RDH14: variants seen among roughly 807,000 people sequenced by gnomAD.
RDH14 encodes the protein alcohol dehydrogenase PAN2.
A neutral mutation model predicts 19.3 loss-of-function variants in RDH14; 17 were observed. The observed-to-expected ratio is 0.88, with a 90% confidence interval of 0.60 to 1.32. The LOEUF is 1.32. RDH14 is among the 40% of genes most tolerant of loss of function. The pLI, the probability that RDH14 is intolerant of heterozygous loss-of-function variation, is 0.00. For synonymous variants in RDH14, 215 were observed against 188.9 expected (o/e 1.14, Z -1.13); for missense variants, 534 against 449.2 (o/e 1.19, Z -1.71).
intron 1 of RDH14, among the ~76,000 whole-genome samples, chr2:18,559,734 G>A (rs540027374): frequency 6.6e-6 from 1 of 152,198 alleles, no homozygotes; most frequent in Admixed American, 6.5e-5. Context: ...CCGGGGGAAG[G>A]AGAACTTTTT....
In RDH14 at chr2:18,560,300, G is replaced by C; in HGVS notation, c.273C>G (p.Leu91=). ...EEAAGQLRRE[L]RQAAECGPEP... is the part of the protein sequence containing the mutation. The stretch of plus-strand genomic sequence containing the variant: ...CTGGGCCGCACTCCGCGGCCTGGCG[G>C]AGCTCGCGGCGGAGCTGACCCGCCG... The change falls in exon 1 of 2, where the codon CTC becomes CTG. Residue 91 remains leucine (L), a synonymous_variant. Coordinates refer to ENST00000381249, the MANE Select transcript of RDH14 (RefSeq NM_020905.4). 2 of 1,479,772 alleles carry C rather than the reference G, an allele frequency of 1.4e-6. No homozygotes were observed. Among genetic ancestry groups the C allele is most frequent in the Non-Finnish European group, 8.9e-7 (1 of 1,124,298 alleles). The allele number at this position is 1,479,772 out of a possible 1,614,324, so 91.7% of individuals were successfully genotyped here. A position where few individuals can be genotyped will look rare whatever the true frequency, so the allele number is the denominator to read the frequency against.
chr2:18,560,158 C>A (rs1203239781), intron 1 of RDH14, 22 bp downstream of exon 1: 1 of 1,522,892 alleles, frequency 6.6e-7, no homozygotes, highest in Non-Finnish European at 8.8e-7. Flanking sequence ...TCCCCACCAG[C>A]CCGGCCCCCC....
Position 18,560,604 on chromosome 2 carries a change from C to G in RDH14, c.-32G>C, listed in dbSNP as rs1352590384. On this transcript the variant is annotated 5_prime_UTR_variant, in exon 1 of 2. Coordinates refer to ENST00000381249, the MANE Select transcript of RDH14 (RefSeq NM_020905.4). ...GCCCGAGGGCCCACCGGCCCCTCCA[C>G]GGGAGTTCCGCAGCCGCCGCCTTAC... The G allele has an allele frequency of 7.2e-7, 1 of 1,391,894 alleles. No individual in the cohort carries two copies. Among genetic ancestry groups the G allele is most frequent in the Non-Finnish European group, 9.2e-7 (1 of 1,083,584 alleles). The allele number at this position is 1,391,894 out of a possible 1,614,324, so 86.2% of individuals were successfully genotyped here. A position where few individuals can be genotyped will look rare whatever the true frequency, so the allele number is the denominator to read the frequency against.
intron 1 of RDH14, among the ~76,000 whole-genome samples, chr2:18,556,025 G>GATAA (rs1302857047): frequency 5.3e-5 from 8 of 152,240 alleles, no homozygotes; most frequent in African/African-American, 1.9e-4. Flanking sequence ...ATGTTCCTCA[G>GATAA]ATAAATACTG....
chr2:18,560,500 C>T lies in RDH14; in HGVS notation c.73G>A (p.Val25Met). Residue 25 changes from valine (V) to methionine (M), a missense_variant, in exon 1 of 2, where the codon GTG becomes ATG. Transcript: ENST00000381249. ...CGCAGCCGCTGGACCCTGGGCCCCA[C>T]GAACCGGCGGGCCGCCAGCCACAGC... ...GALWLAARRF[V>M]GPRVQRLRRG... 6.6e-7 allele frequency: 1 copy of T among 1,513,214 alleles called. No homozygotes were observed. Among genetic ancestry groups the T allele is most frequent in the Non-Finnish European group, 8.8e-7 (1 of 1,138,784 alleles). The allele number at this position is 1,513,214 out of a possible 1,614,324, so 93.7% of individuals were successfully genotyped here.
chr2:18,559,493 A>G (rs1309428284), intron 1 of RDH14, among the ~76,000 whole-genome samples: 1 of 152,200 alleles, frequency 6.6e-6, no homozygotes, highest in Non-Finnish European at 1.5e-5. Context: ...AGGCAAGGAC[A>G]CTTCATTTTC....
At chr2:18,556,303 T>C (rs768236491) in intron 1 of RDH14, among the ~76,000 whole-genome samples, 2 of 152,190 alleles carry the variant, frequency 1.3e-5, no homozygotes, top group Non-Finnish European at 2.9e-5. Context: ...TACAATCCCA[T>C]ATTTCTCCCT....
intron 1 of RDH14, 65 bp downstream of exon 1, chr2:18,560,115 C>G (rs746541570): frequency 3.4e-6 from 5 of 1,476,576 alleles, no homozygotes; most frequent in Non-Finnish European, 4.5e-6. Flanking sequence ...TCAGCCCCAG[C>G]CCGCAGTCCC....
In RDH14 at chr2:18,555,136, G is replaced by T; in HGVS notation, c.*55C>A. 6.4e-7 allele frequency: 1 copy of T among 1,570,924 alleles called. No individual in the cohort carries two copies. The highest frequency in any genetic ancestry group is 1.2e-5 in the South Asian group (1 of 83,112). ...CAAGTTCTCAATCCACACCATTCCT[G>T]ATCACAGATATAACTGATATGCAGT... On this transcript the variant is annotated 3_prime_UTR_variant, in exon 2 of 2. Coordinates refer to ENST00000381249, the MANE Select transcript of RDH14 (RefSeq NM_020905.4).
intron 1 of RDH14, among the ~76,000 whole-genome samples, chr2:18,557,592 A>AGAT (rs1338103864): frequency 6.6e-6 from 1 of 152,212 alleles, no homozygotes; most frequent in Non-Finnish European, 1.5e-5. Context: ...AAATTCTACG[A>AGAT]GATAAATGAA....
chr2:18,559,978 C>A (rs1664046309), intron 1 of RDH14, among the ~76,000 whole-genome samples: 1 of 152,164 alleles, frequency 6.6e-6, no homozygotes, highest in Admixed American at 6.5e-5. Context: ...GGCAGCCCTC[C>A]CAGTTAGTTT....
chr2:18,557,257 C>T (rs900008295), intron 1 of RDH14, among the ~76,000 whole-genome samples: 2 of 152,090 alleles, frequency 1.3e-5, no homozygotes, highest in African/African-American at 2.4e-5. Context: ...ACTGTGATGA[C>T]CCATGATTAA....
chr2:18,556,580 C>T (rs1297543948), intron 1 of RDH14, among the ~76,000 whole-genome samples: 1 of 152,172 alleles, frequency 6.6e-6, no homozygotes, highest in African/African-American at 2.4e-5. Flanking sequence ...GCAAATGAAG[C>T]TCACAGGCTA....
intron 1 of RDH14, among the ~76,000 whole-genome samples, chr2:18,558,273 T>C (rs1256630972): frequency 1.3e-5 from 2 of 152,252 alleles, no homozygotes; most frequent in Non-Finnish European, 2.9e-5. Flanking sequence ...TTCCCATTAG[T>C]AGTTATGGCT....
rs1663881079 is a variant in RDH14 at position 18,555,380 on chromosome 2, A to G, written c.822T>C (p.Ala274=). 6.2e-7 allele frequency: 1 copy of G among 1,614,122 alleles called. No individual in the cohort carries two copies. The highest frequency in any genetic ancestry group is 8.5e-7 in the Non-Finnish European group (1 of 1,179,982). Residue 274 remains alanine (A), a synonymous_variant, in exon 2 of 2, where the codon GCT becomes GCC. Coordinates refer to ENST00000381249, the MANE Select transcript of RDH14 (RefSeq NM_020905.4). ...CACCTTCTACTGGAGTTTTGAAAAA[A>G]GCCCATGACACCAAATTGAAGAGTG... The part of the protein sequence containing the change: ...VKPLFNLVSW[A]FFKTPVEGAQ...
chr2:18,557,384 C>G (rs1244032994), intron 1 of RDH14, among the ~76,000 whole-genome samples: 1 of 152,200 alleles, frequency 6.6e-6, no homozygotes, highest in African/African-American at 2.4e-5. Flanking sequence ...AACTATTTCT[C>G]ATTCTGCCCT....
chr2:18,556,480 A>C (rs1572268917), intron 1 of RDH14, among the ~76,000 whole-genome samples: 1 of 152,202 alleles, frequency 6.6e-6, no homozygotes, highest in African/African-American at 2.4e-5. Flanking sequence ...TTGAGAGAAA[A>C]ATAGAAAAAA....
At chr2:18,559,187 A>C (rs751642748) in intron 1 of RDH14, among the ~76,000 whole-genome samples, 1 of 152,098 alleles carries the variant, frequency 6.6e-6, no homozygotes, top group Non-Finnish European at 1.5e-5. Flanking sequence ...TTTAAATTTC[A>C]CTCTTCTGAA....
chr2:18,555,670 G>GT lies in RDH14; in HGVS notation c.531dup (p.Leu178ThrfsTer19). On this transcript the variant is annotated frameshift_variant, in exon 2 of 2. Transcript: ENST00000381249. LOFTEE classifies it high-confidence loss of function. ...CTGCTGGGAGCTGAACTTTTGAGGA[G>GT]TCCAAGGAGAAGATTGGTGAGTAGA... The GT allele has an allele frequency of 6.2e-7, 1 of 1,614,122 alleles. No individual in the cohort carries two copies. Among genetic ancestry groups the GT allele is most frequent in the Non-Finnish European group, 8.5e-7 (1 of 1,179,972 alleles).
Sources: allele counts gnomAD v4.1 joint callset (sites outside exome capture counted in the v4.1 genomes callset), GRCh38; gene constraint gnomAD v4.1.1; transcripts MANE v1.5; gene names NCBI Gene and HGNC (gene_info 2026-07-23, HGNC 2026-07-21).